Variants in DPY19L4 observed in about 807,000 individuals in gnomAD.
DPY19L4 encodes the protein probable C-mannosyltransferase DPY19L4.
DPY19L4 carries 97 observed loss-of-function variants against 102.8 expected under a neutral mutation model. That is an observed-to-expected ratio of 0.94 (90% CI 0.80 to 1.12). DPY19L4 has a LOEUF of 1.12. Among genes scored for constraint, DPY19L4 ranks in the 50% most tolerant of loss-of-function variants. The pLI, the probability that DPY19L4 is intolerant of heterozygous loss-of-function variation, is 0.00. For missense variants in DPY19L4, 815 were observed against 850.4 expected, an observed-to-expected ratio of 0.96 and a Z score of 0.52; for synonymous variants, 252 against 283.1, an observed-to-expected ratio of 0.89 and a Z score of 1.10.
chr8:94,732,837 A>T (rs149128467), intron 2 of DPY19L4, among the ~76,000 whole-genome samples: 2 of 135,862 alleles, frequency 1.5e-5, no homozygotes, highest in Non-Finnish European at 3.1e-5. Flanking sequence ...TTGAGACAAG[A>T]TCTGGCTGTG....
At chr8:94,742,987 G>A (rs1246445511) in intron 6 of DPY19L4, among the ~76,000 whole-genome samples, 5 of 151,772 alleles carry the variant, frequency 3.3e-5, no homozygotes, top group Admixed American at 6.6e-5. Flanking sequence ...TTACAGGCAT[G>A]AGCCACCATG....
intron 2 of DPY19L4, among the ~76,000 whole-genome samples, chr8:94,727,390 C>T (rs766307143): frequency 1.3e-5 from 2 of 152,264 alleles, no homozygotes; most frequent in Non-Finnish European, 2.9e-5. Flanking sequence ...CATGCCACCA[C>T]GCCTGGCTAA....
At chr8:94,742,251 G>A (rs1412341524) in intron 6 of DPY19L4, among the ~76,000 whole-genome samples, 7 of 151,984 alleles carry the variant, frequency 4.6e-5, no homozygotes, top group South Asian at 2.1e-4. Context: ...CCAGCTACTC[G>A]GGAGGCTGAG....
At chr8:94,738,523 T>C (rs1392300274) in intron 4 of DPY19L4, 64 bp downstream of exon 4, 3 of 1,053,682 alleles carry the variant, frequency 2.8e-6, no homozygotes, top group Non-Finnish European at 3.8e-6. Context: ...TTTCTTTTTT[T>C]TTTTTTTCCG....
At chr8:94,733,746 T>C (rs1391832984) in intron 2 of DPY19L4, among the ~76,000 whole-genome samples, 1 of 152,010 alleles carries the variant, frequency 6.6e-6, no homozygotes, top group Admixed American at 6.6e-5. Context: ...TTCACCAGGT[T>C]GGCCAGGCTG....
intron 7 of DPY19L4, among the ~76,000 whole-genome samples, chr8:94,759,066 C>T (rs1418903273): frequency 6.6e-6 from 1 of 152,020 alleles, no homozygotes; most frequent in Non-Finnish European, 1.5e-5. Flanking sequence ...AGCCGCGGAC[C>T]CTTGTGGTGA....
chr8:94,748,621 A>C (rs936954242), intron 6 of DPY19L4, among the ~76,000 whole-genome samples: 4 of 151,586 alleles, frequency 2.6e-5, no homozygotes. Context: ...CAGCAGTGAC[A>C]ATGATGATGA....
chr8:94,743,420 T>C (rs984221800), intron 6 of DPY19L4, among the ~76,000 whole-genome samples: 1 of 151,902 alleles, frequency 6.6e-6, no homozygotes, highest in African/African-American at 2.4e-5. Context: ...GGAGGATCAC[T>C]TGAGACCTGG....
intron 8 of DPY19L4, among the ~76,000 whole-genome samples, chr8:94,763,040 C>T (rs950777007): frequency 6.6e-6 from 1 of 151,672 alleles, no homozygotes; most frequent in African/African-American, 2.4e-5. Flanking sequence ...CCTCTGCCTC[C>T]CGGCTTCAAG....
In DPY19L4 at chr8:94,739,698, A is replaced by G. The variant is rs778999300; in HGVS notation, c.519A>G (p.Gly173=). Residue 173 remains glycine, a synonymous_variant, in exon 6 of 19, where the codon GGA becomes GGG. Coordinates refer to ENST00000414645, the MANE Select transcript of DPY19L4 (RefSeq NM_181787.3). ...FYIGIVFGLQ[G]IYVTALFVTS... is the part of the protein sequence containing the mutation. ...TTGGCATTGTTTTTGGATTGCAAGGAATATATGTTACTGCTTTATTTGTTA... is the reference window on the plus strand; with the variant it reads ...TTGGCATTGTTTTTGGATTGCAAGGGATATATGTTACTGCTTTATTTGTTA... The G allele has an allele frequency of 1.4e-5, 23 of 1,613,966 alleles. No homozygotes were observed. The South Asian group carries it at 2.3e-4, about 16-fold the overall frequency.
chr8:94,728,853 A>T (rs931769524), intron 2 of DPY19L4, among the ~76,000 whole-genome samples: 3 of 152,154 alleles, frequency 2.0e-5, no homozygotes, highest in African/African-American at 7.2e-5. Flanking sequence ...AAAATAGAGA[A>T]TCCCAAAATT....
At chr8:94,788,081 A>G in intron 18 of DPY19L4, 29 bp downstream of exon 18, 4 of 1,148,558 alleles carry the variant, frequency 3.5e-6, no homozygotes, top group Non-Finnish European at 4.4e-6. Context: ...AGTTATATAT[A>G]TGTATATATA....
intron 4 of DPY19L4, among the ~76,000 whole-genome samples, chr8:94,738,716 G>A (rs1347078571): frequency 2.0e-5 from 3 of 151,822 alleles, no homozygotes; most frequent in Non-Finnish European, 4.4e-5. Flanking sequence ...GTTTCACCAT[G>A]TTGGCCAGGC....
intron 6 of DPY19L4, among the ~76,000 whole-genome samples, chr8:94,746,659 A>C (rs887060644): frequency 1.3e-5 from 2 of 152,252 alleles, no homozygotes; most frequent in African/African-American, 4.8e-5. Flanking sequence ...AATTTGAATT[A>C]TAATGCTACT....
chr8:94,765,616 T>C, intron 9 of DPY19L4, 95 bp from the exon 10 acceptor site: 1 of 990,692 alleles, frequency 1.0e-6, no homozygotes, highest in Non-Finnish European at 1.6e-6. Context: ...GATTACAGGC[T>C]TGAGCCACTG....
rs565559253 is a variant in DPY19L4, at chr8:94,764,372, C to T, written c.871-811C>T. Among the ~76,000 whole-genome samples, 3 of 151,632 alleles carry T rather than the reference C, an allele frequency of 2.0e-5. No homozygotes were observed. The South Asian group carries it at 6.2e-4, about 32-fold the overall frequency. ...CGGGCAGATCACAAGGTGAGGAGAT[C>T]GAGACCATCCTGACTAACACGGTGA... On this transcript the variant is annotated intron_variant, in intron 8 of 18. Transcript: ENST00000414645.
chr8:94,720,265 A>T, intron 1 of DPY19L4: 1 of 985,342 alleles, frequency 1.0e-6, no homozygotes, highest in Non-Finnish European at 1.2e-6. Flanking sequence ...AATCCGTAGC[A>T]AGAGAGAAAG....
chr8:94,756,659 CATTGTT>C (rs1395503562), intron 7 of DPY19L4, among the ~76,000 whole-genome samples: 2 of 152,152 alleles, frequency 1.3e-5, no homozygotes, highest in East Asian at 1.9e-4. Context: ...TAGATTCTTA[CATTGTT>C]ATTGTTATTG....
At chr8:94,788,848 C>A (rs572166820) in intron 18 of DPY19L4, among the ~76,000 whole-genome samples, 1 of 152,274 alleles carries the variant, frequency 6.6e-6, no homozygotes, top group Non-Finnish European at 1.5e-5. Context: ...CTGTCTTTTC[C>A]TAAATAATCA....
Sources: gnomAD v4.1 joint callset for allele counts (sites outside exome capture counted in the v4.1 genomes callset) on GRCh38, gnomAD v4.1.1 for gene constraint, MANE v1.5 for transcripts, NCBI Gene and HGNC (gene_info 2026-07-23, HGNC 2026-07-21) for gene names.